Variants in MYO16 observed in about 807,000 individuals in gnomAD.
MYO16 encodes the protein unconventional myosin-XVI.
In MYO16, 94 loss-of-function variants were observed where a neutral mutation model predicts 205.3. The ratio of observed to expected loss-of-function variants is 0.46; its 90% CI spans 0.39 to 0.54. MYO16 has a LOEUF of 0.54. MYO16 is among the 20% of genes least tolerant of loss of function. The probability of loss-of-function intolerance (pLI) is 0.00; values close to 1 mark genes in which losing one functional copy is unlikely to be tolerated. For missense variants in MYO16, 2,315 were observed against 2,387.5 expected, an observed-to-expected ratio of 0.97 and a Z score of 0.63; for synonymous variants, 988 against 954.0, an observed-to-expected ratio of 1.04 and a Z score of -0.66.
chr13:108,504,333 G>C, the MYO16 span, among the ~76,000 whole-genome samples: 1 of 151,714 alleles, frequency 6.6e-6, no homozygotes, highest in Non-Finnish European at 1.5e-5. Flanking sequence ...TGCCAAGTTG[G>C]CCAGGCTGGT....
chr13:109,105,921 G>T (rs1399926953), intron 28 of MYO16, among the ~76,000 whole-genome samples: 1 of 152,182 alleles, frequency 6.6e-6, no homozygotes, highest in Non-Finnish European at 1.5e-5. Flanking sequence ...TTGAAGAAAG[G>T]AAAATCAGGA....
the MYO16 span, among the ~76,000 whole-genome samples, chr13:108,533,514 A>G: frequency 2.0e-5 from 3 of 152,202 alleles, no homozygotes; most frequent in Non-Finnish European, 4.4e-5. Context: ...CTCAGTAGAA[A>G]TTTTGGACAC....
At chr13:109,099,327 C>T (rs948744670) in intron 27 of MYO16, among the ~76,000 whole-genome samples, 6 of 152,042 alleles carry the variant, frequency 3.9e-5, no homozygotes, top group South Asian at 2.1e-4. Flanking sequence ...ATAAGTCATT[C>T]GCAAAAAACA....
chr13:108,547,485 T>C, the MYO16 span, among the ~76,000 whole-genome samples: 1 of 152,150 alleles, frequency 6.6e-6, no homozygotes, highest in African/African-American at 2.4e-5. Flanking sequence ...ATGATGTCAC[T>C]GAACAGAGTT....
At chr13:108,902,716 C>G (rs927414741) in intron 15 of MYO16, among the ~76,000 whole-genome samples, 1 of 152,100 alleles carries the variant, frequency 6.6e-6, no homozygotes, top group African/African-American at 2.4e-5. Flanking sequence ...ATGACCTTCT[C>G]CCTGTGCCTC....
chr13:109,033,509 G>C (rs1886610143), intron 23 of MYO16, among the ~76,000 whole-genome samples: 1 of 152,174 alleles, frequency 6.6e-6, no homozygotes, highest in Admixed American at 6.5e-5. Flanking sequence ...TAGCAGGAAG[G>C]AGTTTCTCAG....
intron 13 of MYO16, among the ~76,000 whole-genome samples, chr13:108,886,288 T>A (rs1879879816): frequency 2.7e-5 from 4 of 150,642 alleles, no homozygotes; most frequent in Non-Finnish European, 1.5e-5. Flanking sequence ...CGCCCGGCCC[T>A]CCTTTGGGTC....
At chr13:108,689,874 A>G (rs1332580125) in intron 2 of MYO16, among the ~76,000 whole-genome samples, 2 of 152,222 alleles carry the variant, frequency 1.3e-5, no homozygotes, top group African/African-American at 4.8e-5. Context: ...TAGTATTCAA[A>G]ACAAGATTCT....
At position 108,713,694 on chromosome 13, in the gene MYO16, A is replaced by C. The variant is rs1438664401; in HGVS notation, c.363+963A>C. Among the ~76,000 whole-genome samples the C allele has an allele frequency of 2.0e-5, 3 of 152,360 alleles. No homozygotes were observed. In the East Asian group the frequency reaches 5.8e-4, roughly 29 times the overall value. On this transcript the variant is annotated intron_variant, in intron 3 of 34. Coordinates refer to ENST00000457511, the MANE Select transcript of MYO16 (RefSeq NM_001198950.3). ...AGAAACTGGTGTATACCAAAGGCTC[A>C]AGAGATCTGGAATGCAAGTTATTAT...
In MYO16 at chr13:109,127,584, CG is replaced by C; in HGVS notation, c.4051+37del. 6.3e-7 allele frequency: 1 copy of C among 1,596,012 alleles called. No homozygotes were observed. The highest frequency in any genetic ancestry group is 1.3e-5 in the African/African-American group (1 of 74,868). ...TGGGGAGGGACCCAGCCTCGTGTTCCGGGCTCGCGCATGCTCTGACTTCGCC... is the reference window on the plus strand; with the variant it reads ...TGGGGAGGGACCCAGCCTCGTGTTCCGGCTCGCGCATGCTCTGACTTCGCC... On this transcript the variant is annotated intron_variant, in intron 31 of 34. Transcript: ENST00000457511. The surrounding 1 kb of genome is among the most constrained non-coding windows in gnomAD (Gnocchi z 4.2).
intron 27 of MYO16, among the ~76,000 whole-genome samples, chr13:109,082,555 C>G (rs1888312514): frequency 6.6e-6 from 1 of 152,140 alleles, no homozygotes; most frequent in African/African-American, 2.4e-5. Context: ...AAAAAGCAGG[C>G]TAGGTGCAGT....
chr13:109,181,193 C>CA (rs1879436948), intron 34 of MYO16, among the ~76,000 whole-genome samples: 1 of 152,238 alleles, frequency 6.6e-6, no homozygotes. Flanking sequence ...GCCTTGTTTT[C>CA]AAATGCAGAC....
the MYO16 span, among the ~76,000 whole-genome samples, chr13:108,559,470 C>CTTTTTTTTTTTTTTTTTTTTTT: frequency 2.3e-5 from 2 of 87,414 alleles, no homozygotes; most frequent in African/African-American, 4.2e-5. Flanking sequence ...TTTTTCTTTT[C>CTTTTTTTTTTTTTTTTTTTTTT]TTTTTTTTTT....
intron 28 of MYO16, among the ~76,000 whole-genome samples, chr13:109,110,823 G>T (rs138818699): frequency 0.018 from 2,697 of 152,304 alleles, 44 homozygotes; most frequent in Middle Eastern, 0.075. Flanking sequence ...GCCTGGAGAG[G>T]ATGCCTTTAG....
chr13:108,521,719 A>G, the MYO16 span, among the ~76,000 whole-genome samples: 5 of 152,178 alleles, frequency 3.3e-5, no homozygotes, highest in Admixed American at 6.5e-5. Context: ...GTAATTATAT[A>G]TAATGATCTG....
chr13:108,559,199 G>T, the MYO16 span, among the ~76,000 whole-genome samples: 1 of 152,070 alleles, frequency 6.6e-6, no homozygotes, highest in Non-Finnish European at 1.5e-5. Flanking sequence ...ACACAGAGAC[G>T]TACACAGAGA....
Position 108,629,782 on chromosome 13 carries a change from A to G in MYO16, c.-63A>G. The G allele has an allele frequency of 6.8e-7, 1 of 1,464,676 alleles. No homozygotes were observed. The allele number at this position is 1,464,676 out of a possible 1,614,324, so 90.7% of individuals were successfully genotyped here. ...GCTTTAAGTAATGCATTTCCTGGGA[A>G]CGACAGTTGTGACAGAAGAGAATGC... is the stretch of plus-strand genomic sequence containing the variant. On this transcript the variant is annotated 5_prime_UTR_variant, in exon 1 of 35. Coordinates refer to ENST00000457511, the MANE Select transcript of MYO16 (RefSeq NM_001198950.3).
chr13:108,667,018 A>G (rs574388127), intron 2 of MYO16, among the ~76,000 whole-genome samples: 2 of 152,212 alleles, frequency 1.3e-5, no homozygotes, highest in Non-Finnish European at 2.9e-5. Flanking sequence ...TTCACAATTC[A>G]TTACTCACAA....
At chr13:109,117,879 C>T (rs1413514757) in intron 28 of MYO16, among the ~76,000 whole-genome samples, 3 of 152,138 alleles carry the variant, frequency 2.0e-5, no homozygotes. Context: ...ATCTGGTCCT[C>T]TTTATATTTC....
Sources: gnomAD v4.1 joint callset for allele counts (sites outside exome capture counted in the v4.1 genomes callset) on GRCh38, gnomAD v4.1.1 for gene constraint, Gnocchi (gnomAD v3.1) non-coding constraint, MANE v1.5 for transcripts, NCBI Gene and HGNC (gene_info 2026-07-23, HGNC 2026-07-21) for gene names.